AASDH: variants seen among roughly 807,000 people sequenced by gnomAD.
The protein encoded by AASDH is beta-alanine-activating enzyme.
A neutral mutation model predicts 102.3 loss-of-function variants in AASDH; 81 were observed. The observed-to-expected ratio is 0.79, with a 90% CI of 0.66 to 0.95. The LOEUF is 0.95. Among genes scored for constraint, AASDH ranks in the 40% least tolerant of loss-of-function variants. AASDH has a pLI of 0.00. For missense variants in AASDH, 1,203 were observed against 1,266.2 expected (o/e 0.95, Z 0.76); for synonymous variants, 398 against 454.0 (o/e 0.88, Z 1.57).
At chr4:56,385,824 G>C (rs954691299) in intron 1 of AASDH, among the ~76,000 whole-genome samples, 1 of 152,056 alleles carries the variant, frequency 6.6e-6, no homozygotes, top group Non-Finnish European at 1.5e-5. Flanking sequence ...TGGCCAGGTT[G>C]GTTTTGAACT....
At chr4:56,370,126 A>G (rs1457682784) in intron 5 of AASDH, among the ~76,000 whole-genome samples, 1 of 151,952 alleles carries the variant, frequency 6.6e-6, no homozygotes, top group Non-Finnish European at 1.5e-5. Flanking sequence ...AGAACTTTGG[A>G]GGCTGAGGCA....
intron 13 of AASDH, 60 bp from the exon 14 acceptor site, chr4:56,343,026 T>A: frequency 7.0e-7 from 1 of 1,422,960 alleles, no homozygotes; most frequent in Non-Finnish European, 9.3e-7. Context: ...AGTTACCCTT[T>A]AAAAAACAAA....
intron 4 of AASDH, among the ~76,000 whole-genome samples, chr4:56,377,066 C>CA (rs11364187): frequency 1.0e-3 from 134 of 131,810 alleles, no homozygotes; most frequent in Middle Eastern, 7.6e-3. Flanking sequence ...GACTCCGTCT[C>CA]AAAAAAAAAA....
intron 6 of AASDH, 144 bp downstream of exon 6, chr4:56,355,038 A>C: frequency 9.3e-7 from 1 of 1,071,828 alleles, no homozygotes. Context: ...ATAGTAAGGA[A>C]GGTTCTGGAT....
chr4:56,368,485 A>G (rs1751295023), intron 5 of AASDH, among the ~76,000 whole-genome samples: 2 of 151,958 alleles, frequency 1.3e-5, no homozygotes, highest in African/African-American at 4.8e-5. Flanking sequence ...TCCAACAATG[A>G]TAGACTGGAT....
At chr4:56,371,705 A>C in intron 4 of AASDH, 62 bp from the exon 5 acceptor site, 1 of 1,432,086 alleles carries the variant, frequency 7.0e-7, no homozygotes, top group Non-Finnish European at 9.4e-7. Flanking sequence ...CATATCCTAA[A>C]AGAGTGTTCA....
chr4:56,373,215 C>A (rs1458872879), intron 4 of AASDH, among the ~76,000 whole-genome samples: 1 of 152,186 alleles, frequency 6.6e-6, no homozygotes, highest in Admixed American at 6.5e-5. Context: ...TCTCGGCTCA[C>A]TGCAACCTCT....
At chr4:56,375,439 C>A (rs1469159551) in intron 4 of AASDH, among the ~76,000 whole-genome samples, 1 of 152,150 alleles carries the variant, frequency 6.6e-6, no homozygotes, top group East Asian at 1.9e-4. Context: ...TCTTTAGAAT[C>A]TAATTATTTA....
At chr4:56,356,410 C>T in intron 5 of AASDH, 1 of 1,591,716 alleles carries the variant, frequency 6.3e-7, no homozygotes, top group Non-Finnish European at 8.5e-7. Context: ...CAAACAGCTA[C>T]TCAGCTGCTT....
intron 9 of AASDH, among the ~76,000 whole-genome samples, 187 bp from the exon 10 acceptor site, chr4:56,351,644 G>GA: frequency 6.6e-6 from 1 of 152,174 alleles, no homozygotes; most frequent in African/African-American, 2.4e-5. Context: ...AAATAGATGA[G>GA]AAACAGGTCA....
At chr4:56,343,281 G>C (rs1198962479) in intron 13 of AASDH, among the ~76,000 whole-genome samples, 1 of 152,114 alleles carries the variant, frequency 6.6e-6, no homozygotes, top group Non-Finnish European at 1.5e-5. Context: ...AGAGGTTGCA[G>C]TAAGCTGAGA....
Position 56,349,483 on chromosome 4 carries a change from A to G in AASDH, c.2268T>C (p.His756=), listed in dbSNP as rs374813331. 86 of 1,614,082 alleles carry G rather than the reference A, an allele frequency of 5.3e-5. No homozygotes were observed. The highest frequency in any genetic ancestry group is 6.9e-5 in the Non-Finnish European group (82 of 1,180,036). Residue 756 remains histidine (H), a synonymous_variant, in exon 11 of 15, where the codon CAT becomes CAC. Transcript: ENST00000205214. ...TGCCTGTGTCTGACCTCCACCTCACATGTAACTCCATTTTCTGAGTCCCTA... is the reference window on the plus strand; with the variant it reads ...TGCCTGTGTCTGACCTCCACCTCACGTGTAACTCCATTTTCTGAGTCCCTA... ...PAIGTQKMEL[H]VRWRSDTGKC...
chr4:56,365,015 T>C (rs1750805308), intron 5 of AASDH, among the ~76,000 whole-genome samples: 2 of 151,630 alleles, frequency 1.3e-5, no homozygotes, highest in African/African-American at 4.9e-5. Context: ...AATAAAAGGA[T>C]GGAGGAAGAT....
intron 3 of AASDH, chr4:56,381,765 GAATATATT>G (rs1485676575): frequency 2.6e-5 from 4 of 151,508 alleles, no homozygotes; most frequent in African/African-American, 9.7e-5. Context: ...AGGCTAAATT[GAATATATT>G]TTTATAATGT....
chr4:56,382,204 G>C, intron 3 of AASDH: 1 of 319,120 alleles, frequency 3.1e-6, no homozygotes, highest in African/African-American at 2.2e-5. Context: ...GCCCCTCTGG[G>C]GGACAATTGG....
At chr4:56,383,187 G>A (rs966709573) in intron 2 of AASDH, among the ~76,000 whole-genome samples, 3 of 152,062 alleles carry the variant, frequency 2.0e-5, no homozygotes, top group East Asian at 3.8e-4. Flanking sequence ...AGCATTTTAA[G>A]TAGTTTCAGG....
At chr4:56,373,552 TTAC>T (rs2109978543) in intron 4 of AASDH, among the ~76,000 whole-genome samples, 1 of 152,226 alleles carries the variant, frequency 6.6e-6, no homozygotes, top group African/African-American at 2.4e-5. Flanking sequence ...GAAAGAGACT[TTAC>T]TTCTGAAGTC....
At chr4:56,356,903 C>A in intron 5 of AASDH, 1 of 927,850 alleles carries the variant, frequency 1.1e-6, no homozygotes, top group Non-Finnish European at 1.7e-6. Context: ...AAGGCAAACG[C>A]TAAAGAACCT....
intron 8 of AASDH, 26 bp downstream of exon 8, chr4:56,354,013 G>T (rs1304771574): frequency 6.4e-7 from 1 of 1,569,242 alleles, no homozygotes; most frequent in Non-Finnish European, 8.6e-7. Context: ...TATATTAATA[G>T]ATATTCAATA....
Sources: allele counts gnomAD v4.1 joint callset (sites outside exome capture counted in the v4.1 genomes callset), GRCh38; gene constraint gnomAD v4.1.1; transcripts MANE v1.5; gene names NCBI Gene and HGNC (gene_info 2026-07-23, HGNC 2026-07-21).